Variants in MGST2 observed in about 807,000 individuals in gnomAD.
MGST2 encodes the protein glutathione peroxidase MGST2.
In MGST2, 9 loss-of-function variants were observed where a neutral mutation model predicts 16.6. The ratio of observed to expected loss-of-function variants is 0.54; its 90% CI spans 0.33 to 0.95. MGST2 has a LOEUF of 0.95. Ranked by LOEUF, MGST2 falls within the 40% of genes least tolerant of loss-of-function variation. The pLI is 0.03. For missense variants in MGST2, 159 were observed against 175.1 expected, an observed-to-expected ratio of 0.91 and a Z score of 0.52; for synonymous variants, 79 against 68.0, an observed-to-expected ratio of 1.16 and a Z score of -0.79.
chr4:139,696,390 CATAAA>C (rs1183665217), intron 3 of MGST2, among the ~76,000 whole-genome samples: 2 of 152,192 alleles, frequency 1.3e-5, no homozygotes, highest in African/African-American at 4.8e-5. Context: ...GGGTCCATGT[CATAAA>C]AGAAGTAAAA....
At chr4:139,744,225 T>A (rs1453329953), downstream of MGST2, among the ~76,000 whole-genome samples, 1 of 152,218 alleles carries the variant, frequency 6.6e-6, no homozygotes, top group Non-Finnish European at 1.5e-5. Context: ...GGTTCAGGGA[T>A]CTGGTTTGAG....
downstream of MGST2, among the ~76,000 whole-genome samples, chr4:139,744,271 C>T (rs142270339): frequency 4.1e-4 from 63 of 152,340 alleles, no homozygotes; most frequent in Non-Finnish European, 7.3e-4. Flanking sequence ...TCAAGCTGTG[C>T]AGCATTGCAT....
intron 3 of MGST2, among the ~76,000 whole-genome samples, chr4:139,700,065 ATTAT>A (rs945783876): frequency 2.2e-5 from 3 of 138,932 alleles, no homozygotes; most frequent in African/African-American, 8.1e-5. Flanking sequence ...CATTATAGCT[ATTAT>A]TTATTGAGCC....
downstream of MGST2, among the ~76,000 whole-genome samples, chr4:139,742,306 G>A (rs4863682): frequency 0.83 from 126,332 of 152,018 alleles, 53,363 homozygotes; most frequent in Non-Finnish European, 0.92. Context: ...GTGCCACCAC[G>A]CCCGGCTAAT....
intron 5 of MGST2, chr4:139,717,821 T>G (rs969121915): frequency 1.3e-5 from 2 of 152,188 alleles, no homozygotes; most frequent in African/African-American, 4.8e-5. Flanking sequence ...AAGCCACAAG[T>G]CCTCCAAAAG....
intron 5 of MGST2, among the ~76,000 whole-genome samples, chr4:139,720,560 A>G (rs1728194306): frequency 6.6e-6 from 1 of 152,260 alleles, no homozygotes; most frequent in Non-Finnish European, 1.5e-5. Context: ...AAATCCCACT[A>G]TCCAGAGATG....
At chr4:139,725,912 G>A (rs1728455442) in intron 5 of MGST2, 8 of 1,213,672 alleles carry the variant, frequency 6.6e-6, no homozygotes, top group African/African-American at 3.0e-5. Context: ...CAGCAGTTCC[G>A]AGGAAGGTAG....
chr4:139,706,991 G>A (rs1458886812), downstream of MGST2, among the ~76,000 whole-genome samples: 1 of 152,100 alleles, frequency 6.6e-6, no homozygotes, highest in Non-Finnish European at 1.5e-5. Context: ...TCAGTGTCAG[G>A]AAGTGGGGGA....
chr4:139,671,480 A>T (rs1730688444), intron 1 of MGST2, among the ~76,000 whole-genome samples: 1 of 151,542 alleles, frequency 6.6e-6, no homozygotes, highest in African/African-American at 2.4e-5. Context: ...ATACGTATAT[A>T]TATTTTCAGA....
intron 5 of MGST2, among the ~76,000 whole-genome samples, chr4:139,713,600 T>G (rs1157554838): frequency 6.6e-6 from 1 of 152,180 alleles, no homozygotes; most frequent in Admixed American, 6.5e-5. Context: ...TATCTATTGC[T>G]TGTTTATCTA....
chr4:139,719,887 G>T, intron 5 of MGST2: 2 of 1,613,994 alleles, frequency 1.2e-6, no homozygotes, highest in Non-Finnish European at 1.7e-6. Context: ...TTCCCATAAG[G>T]CTCTGCAGCC....
chr4:139,706,910 A>T (rs912962891), downstream of MGST2, among the ~76,000 whole-genome samples: 3 of 152,222 alleles, frequency 2.0e-5, no homozygotes, highest in Admixed American at 6.5e-5. Flanking sequence ...TGACAATTAC[A>T]TGTACATTTT....
chr4:139,690,155 T>A (rs1312481754), intron 2 of MGST2, among the ~76,000 whole-genome samples: 1 of 152,062 alleles, frequency 6.6e-6, no homozygotes. Flanking sequence ...CCATGCTCAG[T>A]TAATTTTTGT....
At chr4:139,719,728 C>G in intron 5 of MGST2, 1 of 1,613,742 alleles carries the variant, frequency 6.2e-7, no homozygotes, top group Non-Finnish European at 8.5e-7. Flanking sequence ...GGCTCAGTCC[C>G]TGTGGGAAGT....
chr4:139,693,838 A>G (rs1310123779), intron 2 of MGST2, among the ~76,000 whole-genome samples: 1 of 152,256 alleles, frequency 6.6e-6, no homozygotes, highest in African/African-American at 2.4e-5. Context: ...GCAATTTTGC[A>G]TTCATATTAT....
At chr4:139,747,642 C>G in the MGST2 span, among the ~76,000 whole-genome samples, 1 of 150,898 alleles carries the variant, frequency 6.6e-6, no homozygotes, top group Non-Finnish European at 1.5e-5. Context: ...TACAGTGAGC[C>G]GAGATAGTGC....
the MGST2 span, among the ~76,000 whole-genome samples, chr4:139,752,555 C>G: frequency 6.6e-6 from 1 of 152,114 alleles, no homozygotes; most frequent in East Asian, 1.9e-4. Context: ...GCTGGCAGGT[C>G]ATGGGAAGCT....
chr4:139,731,433 A>T (rs1041038905), intron 5 of MGST2: 1 of 112,076 alleles, frequency 8.9e-6, no homozygotes, highest in African/African-American at 3.7e-5. Context: ...CCCTGTCTCT[A>T]CTAAAAAAAA....
chr4:139,720,771 A>G (rs1728202944), intron 5 of MGST2, among the ~76,000 whole-genome samples: 1 of 152,222 alleles, frequency 6.6e-6, no homozygotes, highest in Non-Finnish European at 1.5e-5. Flanking sequence ...TTTGGAGGTG[A>G]GAGAGAATCC....
Sources: gnomAD v4.1 joint callset for allele counts (sites outside exome capture counted in the v4.1 genomes callset) on GRCh38, gnomAD v4.1.1 for gene constraint, MANE v1.5 for transcripts, NCBI Gene and HGNC (gene_info 2026-07-23, HGNC 2026-07-21) for gene names.